SEC31A: variants seen among roughly 807,000 people sequenced by gnomAD.
SEC31A encodes protein transport protein Sec31A.
A neutral mutation model predicts 151.0 loss-of-function variants in SEC31A; 70 were observed. The ratio of observed to expected loss-of-function variants is 0.46; its 90% CI spans 0.38 to 0.57. The LOEUF is 0.57. SEC31A is among the 20% of genes least tolerant of loss of function. The pLI is 0.00. For missense variants in SEC31A, 1,330 were observed against 1,471.2 expected, an observed-to-expected ratio of 0.90 and a Z score of 1.57; for synonymous variants, 475 against 505.9, an observed-to-expected ratio of 0.94 and a Z score of 0.82.
At chr4:82,856,129 T>C (rs1010078275) in intron 16 of SEC31A, among the ~76,000 whole-genome samples, 3 of 152,070 alleles carry the variant, frequency 2.0e-5, no homozygotes, top group Non-Finnish European at 4.4e-5. Context: ...CTTCTTACCA[T>C]GAAATATTAT....
At chr4:82,884,669 CA>C (rs1008086198) in intron 1 of SEC31A, among the ~76,000 whole-genome samples, 3 of 152,220 alleles carry the variant, frequency 2.0e-5, no homozygotes, top group African/African-American at 7.2e-5. Context: ...TAGTATCACA[CA>C]GAGTAGTTCC....
At chr4:82,876,244 AG>A (rs1737932938) in intron 4 of SEC31A, among the ~76,000 whole-genome samples, 1 of 151,420 alleles carries the variant, frequency 6.6e-6, no homozygotes, top group East Asian at 1.9e-4. Flanking sequence ...CCGAGTAGCT[AG>A]GATTACAGGC....
rs190678572 is a variant in SEC31A at position 82,871,435 on chromosome 4, A to C, written c.782+509T>G. ...AATTTAGGAACTGTGACTTTAAGCA[A>C]AACAATGGATAACAAAACCAATTTT... On this transcript the variant is annotated intron_variant, in intron 7 of 26. Coordinates refer to ENST00000395310, the MANE Select transcript of SEC31A (RefSeq NM_001077207.4). The C allele has an allele frequency of 5.3e-4, 796 of 1,488,308 alleles. 3 individuals carry two copies. Among genetic ancestry groups the C allele is most frequent in the Non-Finnish European group, 6.6e-4 (726 of 1,104,538 alleles). The allele number at this position is 1,488,308 out of a possible 1,614,324, so 92.2% of individuals were successfully genotyped here. A position where few individuals can be genotyped will look rare whatever the true frequency, so the allele number is the denominator to read the frequency against.
At chr4:82,861,757 A>G in intron 13 of SEC31A, 49 bp from the exon 14 acceptor site, 1 of 1,311,986 alleles carries the variant, frequency 7.6e-7, no homozygotes, top group Non-Finnish European at 1.1e-6. Context: ...TGTAGTATTA[A>G]AAGGCTATTA....
intron 26 of SEC31A, among the ~76,000 whole-genome samples, chr4:82,820,288 C>G (rs1357404532): frequency 6.6e-6 from 1 of 151,882 alleles, no homozygotes; most frequent in African/African-American, 2.4e-5. Flanking sequence ...TATTTTGGAT[C>G]AGTCCAAGGA....
chr4:82,886,038 G>A lies in SEC31A; in HGVS notation c.-4-4098C>T, dbSNP rs950385054. 3.9e-5 allele frequency among the ~76,000 whole-genome samples: 5 copies of A among 128,812 alleles called. No homozygotes were observed. The Admixed American group carries it at 4.5e-4, about 12-fold the overall frequency. 84.5% of individuals were successfully genotyped at this position (128,812 alleles called of 152,430 possible). ...ACAATCTGTACATGCTAGCAAGGGG[G>A]CAAGGGGCAGAGCCAAGATTGGAAC... On this transcript the variant is annotated intron_variant, in intron 1 of 26. Coordinates refer to ENST00000395310, the MANE Select transcript of SEC31A (RefSeq NM_001077207.4).
At chr4:82,835,783 G>C (rs2149123524) in intron 22 of SEC31A, among the ~76,000 whole-genome samples, 1 of 150,974 alleles carries the variant, frequency 6.6e-6, no homozygotes, top group East Asian at 2.0e-4. Flanking sequence ...TGACGGAGTG[G>C]AACAAAAAAA....
At chr4:82,838,205 A>T (rs1053347975) in intron 22 of SEC31A, among the ~76,000 whole-genome samples, 2 of 152,340 alleles carry the variant, frequency 1.3e-5, no homozygotes, top group Admixed American at 6.5e-5. Flanking sequence ...AAATTTTTTT[A>T]AATTTCAGAA....
At chr4:82,871,803 C>T in intron 7 of SEC31A, 141 bp downstream of exon 7, 1 of 1,009,274 alleles carries the variant, frequency 9.9e-7, no homozygotes, top group East Asian at 2.7e-5. Context: ...CTTGCCACTG[C>T]ACTCCAGCCT....
intron 3 of SEC31A, among the ~76,000 whole-genome samples, chr4:82,896,691 G>A (rs757882507): frequency 6.6e-5 from 10 of 152,108 alleles, no homozygotes; most frequent in South Asian, 2.1e-4. Context: ...TAGAAATTAG[G>A]TATTCCTACT....
At chr4:82,865,987 G>A (rs1444846120) in intron 10 of SEC31A, among the ~76,000 whole-genome samples, 3 of 151,688 alleles carry the variant, frequency 2.0e-5, no homozygotes, top group Non-Finnish European at 4.4e-5. Context: ...TTTATATTAT[G>A]CATTTTTTAC....
intron 3 of SEC31A, among the ~76,000 whole-genome samples, chr4:82,880,279 C>G (rs1738986644): frequency 6.6e-6 from 1 of 151,988 alleles, no homozygotes; most frequent in Non-Finnish European, 1.5e-5. Context: ...TTACATGTAA[C>G]AGCAATAAAA....
At chr4:82,875,672 G>T in intron 5 of SEC31A, 55 bp downstream of exon 5, 1 of 965,868 alleles carries the variant, frequency 1.0e-6, no homozygotes. Flanking sequence ...AGTAGGTTTA[G>T]GAGAACTACT....
At chr4:82,851,637 A>G in intron 18 of SEC31A, 33 bp from the exon 19 acceptor site, 1 of 1,563,034 alleles carries the variant, frequency 6.4e-7, no homozygotes, top group Middle Eastern at 1.7e-4. Context: ...AAACAGAAAT[A>G]TCAAGACCAT....
At position 82,848,916 on chromosome 4, in the gene SEC31A, T is replaced by A; in HGVS notation, c.2390A>T (p.His797Leu). ...CRAQGEPVAGHESPKIPYEKQ... is the reference protein window; with the variant it reads ...CRAQGEPVAGLESPKIPYEKQ... ...CTCGTACGGAATTTTAGGTGATTCATGTCCTGCTACAGGCTCTCCTTGTGC... is the reference window on the plus strand; with the variant it reads ...CTCGTACGGAATTTTAGGTGATTCAAGTCCTGCTACAGGCTCTCCTTGTGC... Residue 797 changes from histidine to leucine, a missense_variant, in exon 20 of 27, where the codon CAT (histidine) becomes CTT (leucine). Coordinates refer to ENST00000395310, the MANE Select transcript of SEC31A (RefSeq NM_001077207.4). 1 of 1,614,194 alleles carries A rather than the reference T, an allele frequency of 6.2e-7. No individual in the cohort carries two copies. The highest frequency in any genetic ancestry group is 8.5e-7 in the Non-Finnish European group (1 of 1,180,014).
chr4:82,822,421 G>A (rs1361035501), intron 25 of SEC31A, among the ~76,000 whole-genome samples: 6 of 152,188 alleles, frequency 3.9e-5, no homozygotes, highest in South Asian at 2.1e-4. Flanking sequence ...TGGAGGAAGA[G>A]TTCCAGGCAG....
At chr4:82,894,421 A>G (rs760496320), upstream of SEC31A, 18 of 152,150 alleles carry the variant, frequency 1.2e-4, no homozygotes, top group African/African-American at 3.9e-4. Context: ...TCTGGGTGCA[A>G]TGGTTTTGGT....
chr4:82,892,221 A>T (rs1719840677), upstream of SEC31A, among the ~76,000 whole-genome samples: 1 of 152,248 alleles, frequency 6.6e-6, no homozygotes, highest in South Asian at 2.1e-4. Context: ...CTTTCAACGC[A>T]GTAACTAAGG....
rs780169358 is a variant in SEC31A, at chr4:82,891,137, G to A, written c.-54C>T. On this transcript the variant is annotated 5_prime_UTR_variant, in exon 1 of 27. Transcript: ENST00000395310. ...ATCCTGCGTTAGTGCAGCGCTCGTC[G>A]GACTCTCCCAGCATTCGCCGCCGCC... is the stretch of plus-strand genomic sequence containing the variant. The A allele has an allele frequency of 2.6e-6, 4 of 1,535,880 alleles. No individual in the cohort carries two copies. The highest frequency in any genetic ancestry group is 2.6e-6 in the Non-Finnish European group (3 of 1,146,762).
Sources: allele counts gnomAD v4.1 joint callset (sites outside exome capture counted in the v4.1 genomes callset), GRCh38; gene constraint gnomAD v4.1.1; transcripts MANE v1.5; gene names NCBI Gene and HGNC (gene_info 2026-07-23, HGNC 2026-07-21).